Variants in GABRA6 observed in about 807,000 individuals in gnomAD.
The protein encoded by GABRA6 is gamma-aminobutyric acid type A receptor subunit alpha6.
GABRA6 carries 45 observed loss-of-function variants against 47.3 expected under a neutral mutation model. The ratio of observed to expected loss-of-function variants is 0.95; its 90% CI spans 0.75 to 1.22. The LOEUF (loss-of-function observed/expected upper bound fraction) is 1.22, where lower values mean the gene tolerates loss of function less well. GABRA6 is among the 50% of genes most tolerant of loss of function. GABRA6 has a pLI of 0.00. For missense variants in GABRA6, 583 were observed against 549.3 expected (o/e 1.06, Z -0.61); for synonymous variants, 219 against 194.7 (o/e 1.12, Z -1.04).
chr5:161,688,705 A>C (rs1160099860), intron 3 of GABRA6, among the ~76,000 whole-genome samples: 1 of 152,224 alleles, frequency 6.6e-6, no homozygotes, highest in African/African-American at 2.4e-5. Flanking sequence ...AAGAGGAAGA[A>C]TATTAAGGAA....
At position 161,701,689 on chromosome 5, in the gene GABRA6, A is replaced by G. The variant is rs764379089; in HGVS notation, c.1278A>G (p.Pro426=). Residue 426 remains proline (P), a synonymous_variant, in exon 9 of 9, where the codon CCA becomes CCG. Transcript: ENST00000274545. ...ACCAGTATTCTCGAATTCTCTTCCC[A>G]GTTGCATTTGCAGGATTCAACCTTG... ...KIDQYSRILF[P]VAFAGFNLVY... The G allele has an allele frequency of 1.2e-6, 2 of 1,614,038 alleles. No individual in the cohort carries two copies. Among genetic ancestry groups the G allele is most frequent in the African/African-American group, 2.7e-5 (2 of 74,936 alleles).
At chr5:161,691,543 G>A (rs1490211055) in intron 7 of GABRA6, among the ~76,000 whole-genome samples, 1 of 151,376 alleles carries the variant, frequency 6.6e-6, no homozygotes, top group Non-Finnish European at 1.5e-5. Context: ...CTCGTGATCC[G>A]CCCGCCTCGG....
Position 161,689,283 on chromosome 5 carries a change from G to A in GABRA6, c.476G>A (p.Arg159Lys). 1 of 1,614,008 alleles carries A rather than the reference G, an allele frequency of 6.2e-7. No homozygotes were observed. The highest frequency in any genetic ancestry group is 1.1e-5 in the South Asian group (1 of 91,074). The part of the protein sequence containing the change: ...RLTINADCPM[R>K]LVNFPMDGHA... ...ACCATCAATGCTGACTGTCCCATGAGGCTGGTTAACTTTCCTATGGATGGG... is the reference window on the plus strand; with the variant it reads ...ACCATCAATGCTGACTGTCCCATGAAGCTGGTTAACTTTCCTATGGATGGG... The change falls in exon 5 of 9, where the codon AGG (arginine) becomes AAG (lysine). Residue 159 changes from arginine to lysine, a missense_variant. Transcript: ENST00000274545.
intron 8 of GABRA6, among the ~76,000 whole-genome samples, chr5:161,693,168 T>G (rs1348411096): frequency 6.6e-6 from 1 of 152,212 alleles, no homozygotes; most frequent in Non-Finnish European, 1.5e-5. Flanking sequence ...ATCCTCAGTT[T>G]AACTTTATGA....
intron 8 of GABRA6, among the ~76,000 whole-genome samples, chr5:161,700,981 G>T (rs1328580285): frequency 6.6e-6 from 1 of 152,196 alleles, no homozygotes; most frequent in African/African-American, 2.4e-5. Flanking sequence ...AATCATAGCT[G>T]ATTCAAGCTT....
chr5:161,692,437 G>A (rs774136793), intron 8 of GABRA6, among the ~76,000 whole-genome samples: 1 of 152,100 alleles, frequency 6.6e-6, no homozygotes, highest in African/African-American at 2.4e-5. Context: ...ACTTATACTG[G>A]CAGATTCCAG....
At chr5:161,689,467 T>G in intron 5 of GABRA6, 131 bp downstream of exon 5, 4 of 1,021,318 alleles carry the variant, frequency 3.9e-6, no homozygotes, top group Non-Finnish European at 4.5e-6. Context: ...GGAATATACT[T>G]AATCATTCTG....
intron 8 of GABRA6, among the ~76,000 whole-genome samples, chr5:161,696,460 T>C (rs1754888116): frequency 6.6e-6 from 1 of 151,808 alleles, no homozygotes; most frequent in East Asian, 1.9e-4. Context: ...ATTAAGACCA[T>C]TAAAGACTCT....
At chr5:161,689,423 G>T (rs1030602764) in intron 5 of GABRA6, 87 bp downstream of exon 5, 30 of 1,211,018 alleles carry the variant, frequency 2.5e-5, no homozygotes, top group Admixed American at 5.2e-5. Context: ...AATCAAGGAA[G>T]AAATAGAATC....
At chr5:161,700,966 C>A (rs556685530) in intron 8 of GABRA6, among the ~76,000 whole-genome samples, 5 of 152,194 alleles carry the variant, frequency 3.3e-5, no homozygotes, top group African/African-American at 1.2e-4. Flanking sequence ...TTTTTTAAAT[C>A]CTTAAATCAT....
chr5:161,687,377 T>G (rs1314746843), intron 3 of GABRA6: 6 of 390,166 alleles, frequency 1.5e-5, no homozygotes, highest in Non-Finnish European at 3.0e-5. Flanking sequence ...AGTATGTCTA[T>G]AAAACCTAAA....
At chr5:161,687,195 C>G (rs1231976103) in intron 3 of GABRA6, among the ~76,000 whole-genome samples, 192 bp downstream of exon 3, 1 of 152,116 alleles carries the variant, frequency 6.6e-6, no homozygotes, top group Non-Finnish European at 1.5e-5. Context: ...AGGGCTTGAA[C>G]ATTTTAAGCT....
intron 8 of GABRA6, among the ~76,000 whole-genome samples, chr5:161,697,119 G>A (rs972756227): frequency 1.3e-5 from 2 of 152,120 alleles, no homozygotes; most frequent in Admixed American, 6.6e-5. Flanking sequence ...ACAAAGCAGC[G>A]CTCTATAAAT....
chr5:161,691,369 C>T (rs1413925268), intron 7 of GABRA6, among the ~76,000 whole-genome samples: 1 of 137,300 alleles, frequency 7.3e-6, no homozygotes, highest in Non-Finnish European at 1.5e-5. Context: ...GATCTCGGCT[C>T]ACTGCAGGCT....
rs1274941088 is a variant in GABRA6, at chr5:161,686,991, A to C, written c.213A>C (p.Ser71=). The part of the protein sequence containing the change: ...DIYVTSFGPV[S]DVEMEYTMDV... ...ATGTGACCAGTTTTGGGCCCGTGTCAGATGTGGAGATGGTGAGTAAGTTCT... is the reference window on the plus strand; with the variant it reads ...ATGTGACCAGTTTTGGGCCCGTGTCCGATGTGGAGATGGTGAGTAAGTTCT... The change falls in exon 3 of 9, where the codon TCA becomes TCC. Residue 71 remains serine, a synonymous_variant. Transcript: ENST00000274545. 1 of 1,613,786 alleles carries C rather than the reference A, an allele frequency of 6.2e-7. No individual in the cohort carries two copies. Among genetic ancestry groups the C allele is most frequent in the African/African-American group, 1.3e-5 (1 of 74,906 alleles).
rs12518935 is a variant in GABRA6, at chr5:161,690,102, A to T, written c.674-99A>T. 0.017 allele frequency: 19,155 copies of T among 1,134,250 alleles called. 1,874 individuals are homozygous for T. The Admixed American group carries it at 0.22, about 13-fold the overall frequency. 70.3% of individuals were successfully genotyped at this position (1,134,250 alleles called of 1,614,324 possible). On this transcript the variant is annotated intron_variant, in intron 6 of 8. Coordinates refer to ENST00000274545, the MANE Select transcript of GABRA6 (RefSeq NM_000811.3). ...AATGTACCTTTGCTTGTTTTCTTCC[A>T]GTCAATGTTAATTTAAAAGTTGTCA...
intron 8 of GABRA6, among the ~76,000 whole-genome samples, chr5:161,698,638 T>G (rs904857188): frequency 2.8e-4 from 43 of 152,182 alleles, no homozygotes; most frequent in African/African-American, 9.2e-4. Flanking sequence ...ACTTGTTAAG[T>G]AATATTTGTC....
In GABRA6 at chr5:161,689,790, G is replaced by T; in HGVS notation, c.673+11G>T. ...TTAAATCTAACACAGGTAAGAATTT[G>T]ACCAAAGGATGGAAATAATCCCTCA... On this transcript the variant is annotated intron_variant, in intron 6 of 8. Coordinates refer to ENST00000274545, the MANE Select transcript of GABRA6 (RefSeq NM_000811.3). 1.9e-6 allele frequency: 3 copies of T among 1,610,540 alleles called. No individual in the cohort carries two copies. Among genetic ancestry groups the T allele is most frequent in the South Asian group, 1.1e-5 (1 of 90,914 alleles).
At position 161,689,053 on chromosome 5, in the gene GABRA6, A is replaced by T. The variant is rs200704820; in HGVS notation, c.330A>T (p.Lys110Asn). Residue 110 changes from lysine to asparagine, a missense_variant, in exon 4 of 9, where the codon AAA becomes AAT. By Grantham distance (94) the Lys-to-Asn change is moderately conservative. Transcript: ENST00000274545. Reference sequence around the variant, plus strand: ...GTCTGAATAATTTGATGGTCAGTAAAATCTGGACGCCTGACACCTTTTTCA... The same window carrying T: ...GTCTGAATAATTTGATGGTCAGTAATATCTGGACGCCTGACACCTTTTTCA... ...ILSLNNLMVS[K>N]IWTPDTFFRN... 1 of 1,614,044 alleles carries T rather than the reference A, an allele frequency of 6.2e-7. No homozygotes were observed. Among genetic ancestry groups the T allele is most frequent in the East Asian group, 2.2e-5 (1 of 44,876 alleles).
Sources: allele counts gnomAD v4.1 joint callset (sites outside exome capture counted in the v4.1 genomes callset), GRCh38; gene constraint gnomAD v4.1.1; transcripts MANE v1.5; gene names NCBI Gene and HGNC (gene_info 2026-07-23, HGNC 2026-07-21).